The following AGMO variants were observed in gnomAD, a reference collection of about 807,000 sequenced individuals.
AGMO encodes the protein alkylglycerol monooxygenase, also known as glyceryl-ether monooxygenase.
In AGMO, 75 loss-of-function variants were observed where a neutral mutation model predicts 60.2. The ratio of observed to expected loss-of-function variants is 1.25; its 90% CI spans 1.03 to 1.51. The LOEUF is 1.51. Among genes scored for constraint, AGMO ranks in the 40% most tolerant of loss-of-function variants. The pLI, the probability that AGMO is intolerant of heterozygous loss-of-function variation, is 0.00. For missense variants in AGMO, 763 were observed against 525.5 expected (o/e 1.45, Z -4.42); for synonymous variants, 261 against 177.1 (o/e 1.47, Z -3.76).
chr7:15,288,073 G>C (rs539320248), intron 12 of AGMO, among the ~76,000 whole-genome samples: 13 of 151,662 alleles, frequency 8.6e-5, no homozygotes, highest in African/African-American at 3.1e-4. Flanking sequence ...GCCCAGGCTG[G>C]AGTGCATTGG....
At chr7:15,161,226 AC>A in the AGMO span, among the ~76,000 whole-genome samples, 1 of 152,188 alleles carries the variant, frequency 6.6e-6, no homozygotes, top group Non-Finnish European at 1.5e-5. Flanking sequence ...TTAAATCAGT[AC>A]ACTTTGAATG....
rs374348350 is a variant in AGMO at position 15,431,111 on chromosome 7, G to T, written c.410-3C>A. ...TCCGGCCCACATAATATTAACTTCT[G>T]CAAAACACATAATTTGCAATGAGCC... On this transcript the variant is annotated splice_polypyrimidine_tract_variant and splice_region_variant and intron_variant, in intron 3 of 12. Coordinates refer to ENST00000342526, the MANE Select transcript of AGMO (RefSeq NM_001004320.2). 1.7e-5 allele frequency: 27 copies of T among 1,600,934 alleles called. No homozygotes were observed. In the African/African-American group the frequency reaches 2.8e-4, roughly 17 times the overall value.
chr7:15,309,608 T>C (rs1400967075), intron 12 of AGMO, among the ~76,000 whole-genome samples: 1 of 152,188 alleles, frequency 6.6e-6, no homozygotes, highest in African/African-American at 2.4e-5. Flanking sequence ...AGGTCCCTAA[T>C]TATTAGTTTT....
intron 5 of AGMO, among the ~76,000 whole-genome samples, chr7:15,394,847 T>C (rs552971397): frequency 3.9e-5 from 6 of 152,318 alleles, no homozygotes; most frequent in African/African-American, 1.4e-4. Context: ...CATTACATCT[T>C]AGAGGCACAA....
chr7:15,483,708 C>A (rs1262029505), intron 3 of AGMO, among the ~76,000 whole-genome samples: 2 of 152,048 alleles, frequency 1.3e-5, no homozygotes, highest in East Asian at 3.9e-4. Context: ...AGGTAAATAC[C>A]ATATTCTAGA....
intron 3 of AGMO, among the ~76,000 whole-genome samples, chr7:15,433,620 G>A (rs901073440): frequency 1.3e-5 from 2 of 151,994 alleles, no homozygotes; most frequent in Non-Finnish European, 2.9e-5. Flanking sequence ...TTGAATTGAT[G>A]AATTATCTGT....
At chr7:15,186,826 G>A in the AGMO span, among the ~76,000 whole-genome samples, 1 of 152,010 alleles carries the variant, frequency 6.6e-6, no homozygotes, top group African/African-American at 2.4e-5. Flanking sequence ...TGGTGGTCCC[G>A]GCGCACTTTG....
At position 15,228,764 on chromosome 7, in the gene AGMO, T is replaced by G. The variant is rs575011996; in HGVS notation, c.1264-27405A>C. 3.0e-3 allele frequency among the ~76,000 whole-genome samples: 460 copies of G among 152,250 alleles called. 4 individuals are homozygous for G. Among genetic ancestry groups the G allele is most frequent in the Middle Eastern group, 0.027 (8 of 294 alleles). On this transcript the variant is annotated intron_variant, in intron 12 of 12. Coordinates refer to ENST00000342526, the MANE Select transcript of AGMO (RefSeq NM_001004320.2). ...ATTATAGTATTCCTCTGTGATTTGT[T>G]TTGATAGATTCAGCCAGGTGCATTA...
chr7:15,499,738 A>G (rs1783327181), intron 3 of AGMO, among the ~76,000 whole-genome samples: 1 of 151,778 alleles, frequency 6.6e-6, no homozygotes, highest in Admixed American at 6.6e-5. Context: ...CAAATGTTCA[A>G]CAATAGAGAA....
chr7:15,152,049 C>G, the AGMO span, among the ~76,000 whole-genome samples: 1 of 152,078 alleles, frequency 6.6e-6, no homozygotes, highest in Non-Finnish European at 1.5e-5. Flanking sequence ...AAGAACTTCT[C>G]TAATGAATTT....
chr7:15,299,703 C>G (rs760008040), intron 12 of AGMO, among the ~76,000 whole-genome samples: 5 of 152,030 alleles, frequency 3.3e-5, no homozygotes, highest in African/African-American at 1.2e-4. Context: ...TGGCACACAC[C>G]TGTAGTTCCA....
chr7:15,488,306 T>C (rs1420286695), intron 3 of AGMO, among the ~76,000 whole-genome samples: 1 of 152,252 alleles, frequency 6.6e-6, no homozygotes, highest in Non-Finnish European at 1.5e-5. Flanking sequence ...AAATTGTTTC[T>C]ACTCATTAAT....
chr7:15,229,828 C>T lies in AGMO; in HGVS notation c.1264-28469G>A, dbSNP rs190603616. On this transcript the variant is annotated intron_variant, in intron 12 of 12. Coordinates refer to ENST00000342526, the MANE Select transcript of AGMO (RefSeq NM_001004320.2). ...ATCAAACCAAGTGGGAGGCTCACAT[C>T]TCCTAATAAGATATTTGATACTGTA... Among the ~76,000 whole-genome samples, 1,431 of 149,558 alleles carry T rather than the reference C, an allele frequency of 9.6e-3. 76 individuals are homozygous for T. The highest frequency in any genetic ancestry group is 0.088 in the Admixed American group (1,301 of 14,850).
At chr7:15,344,757 A>G (rs973191893) in intron 12 of AGMO, among the ~76,000 whole-genome samples, 1 of 152,160 alleles carries the variant, frequency 6.6e-6, no homozygotes, top group African/African-American at 2.4e-5. Flanking sequence ...TCAAGAGAAG[A>G]CTTTTCCATT....
At chr7:15,318,860 T>C (rs1181321126) in intron 12 of AGMO, among the ~76,000 whole-genome samples, 1 of 152,186 alleles carries the variant, frequency 6.6e-6, no homozygotes, top group East Asian at 1.9e-4. Context: ...TTCTTGATGC[T>C]GTCCACAAAA....
chr7:15,535,050 G>C (rs1425426172), intron 3 of AGMO, among the ~76,000 whole-genome samples: 1 of 151,728 alleles, frequency 6.6e-6, no homozygotes, highest in Non-Finnish European at 1.5e-5. Flanking sequence ...TTATACTTTT[G>C]TTATTTGCAT....
chr7:15,320,948 G>T (rs1174464564), intron 12 of AGMO, among the ~76,000 whole-genome samples: 1 of 152,082 alleles, frequency 6.6e-6, no homozygotes, highest in Non-Finnish European at 1.5e-5. Context: ...TCAGCAAATT[G>T]TCTGAAATAC....
intron 12 of AGMO, among the ~76,000 whole-genome samples, chr7:15,240,138 C>T (rs1469865101): frequency 6.6e-6 from 1 of 152,112 alleles, no homozygotes; most frequent in African/African-American, 2.4e-5. Context: ...ATGAAATAAA[C>T]ATCTATTTAT....
chr7:15,225,365 T>C (rs1321939526), intron 12 of AGMO, among the ~76,000 whole-genome samples: 1 of 152,006 alleles, frequency 6.6e-6, no homozygotes, highest in African/African-American at 2.4e-5. Context: ...TCTTATGATA[T>C]GTTTTTGTGG....
Sources: gnomAD v4.1 joint callset for allele counts (sites outside exome capture counted in the v4.1 genomes callset) on GRCh38, gnomAD v4.1.1 for gene constraint, MANE v1.5 for transcripts, NCBI Gene and HGNC (gene_info 2026-07-23, HGNC 2026-07-21) for gene names.